Variants in PRKAA2 observed in about 807,000 individuals in gnomAD.
The protein encoded by PRKAA2 is protein kinase AMP-activated catalytic subunit alpha 2.
Under a neutral mutation model 56.3 loss-of-function variants are expected in PRKAA2, and 40 were observed. The ratio of observed to expected loss-of-function variants is 0.71; its 90% CI spans 0.55 to 0.92. The LOEUF is 0.92. Ranked by LOEUF, PRKAA2 falls within the 40% of genes least tolerant of loss-of-function variation. PRKAA2 has a pLI of 0.00. For missense variants in PRKAA2, 542 were observed against 686.9 expected (o/e 0.79, Z 2.36); for synonymous variants, 214 against 234.2 (o/e 0.91, Z 0.79).
chr1:56,656,331 A>G (rs1484844091), intron 1 of PRKAA2, among the ~76,000 whole-genome samples: 2 of 152,226 alleles, frequency 1.3e-5, no homozygotes, highest in Admixed American at 1.3e-4. Context: ...CTTTTCTGTA[A>G]AATGGTAACC....
chr1:56,670,466 T>G (rs1644067116), intron 1 of PRKAA2, among the ~76,000 whole-genome samples: 2 of 152,148 alleles, frequency 1.3e-5, no homozygotes, highest in South Asian at 4.1e-4. Context: ...AAGGAAGGGA[T>G]GAGGAATAAG....
chr1:56,691,512 C>T, intron 3 of PRKAA2, 25 bp downstream of exon 3: 1 of 1,522,004 alleles, frequency 6.6e-7, no homozygotes, highest in Non-Finnish European at 9.0e-7. Flanking sequence ...ATCTGGTACA[C>T]TAAATCTCTA....
At chr1:56,662,347 C>G (rs1030710643) in intron 1 of PRKAA2, among the ~76,000 whole-genome samples, 1 of 150,604 alleles carries the variant, frequency 6.6e-6, no homozygotes, top group Non-Finnish European at 1.5e-5. Flanking sequence ...GACAGCACTT[C>G]AAAAATTCAT....
chr1:56,706,015 ATTAT>A (rs1332516929), intron 7 of PRKAA2, 73 bp from the exon 8 acceptor site: 16 of 1,289,688 alleles, frequency 1.2e-5, no homozygotes, highest in South Asian at 2.8e-5. Context: ...ACCCCTATTA[ATTAT>A]TTGTTTTGAC....
At position 56,715,245 on chromosome 1, in the gene PRKAA2, A is replaced by G. The variant is rs1644398027; in HGVS notation, c.*7532A>G. ...TTGCACCATATGAAACTCATAGGTAACAAACACAAAGGAGAAAAGCAGCCT... is the reference window on the plus strand; with the variant it reads ...TTGCACCATATGAAACTCATAGGTAGCAAACACAAAGGAGAAAAGCAGCCT... On this transcript the variant is annotated 3_prime_UTR_variant, in exon 9 of 9. Coordinates refer to ENST00000371244, the MANE Select transcript of PRKAA2 (RefSeq NM_006252.4). 6.6e-6 allele frequency: 1 copy of G among 152,210 alleles called. No individual in the cohort carries two copies. Among genetic ancestry groups the G allele is most frequent in the South Asian group, 2.1e-4 (1 of 4,836 alleles). The allele number at this position is 152,210 out of a possible 1,614,324, so 9.4% of individuals were successfully genotyped here.
intron 6 of PRKAA2, among the ~76,000 whole-genome samples, chr1:56,703,154 A>T (rs979727489): frequency 2.0e-5 from 3 of 152,176 alleles, no homozygotes; most frequent in African/African-American, 7.2e-5. Context: ...AGTGTGAGAA[A>T]ATAAGGCTTA....
At chr1:56,681,021 C>A (rs867666922) in intron 2 of PRKAA2, among the ~76,000 whole-genome samples, 1 of 152,076 alleles carries the variant, frequency 6.6e-6, no homozygotes, top group Non-Finnish European at 1.5e-5. Context: ...CAGCACCTGT[C>A]GTTTCCTGAC....
chr1:56,649,663 G>GT (rs1215302557), intron 1 of PRKAA2, among the ~76,000 whole-genome samples: 3 of 151,936 alleles, frequency 2.0e-5, no homozygotes, highest in Non-Finnish European at 4.4e-5. Context: ...TTATTAATTA[G>GT]TTTTTTTTAG....
At chr1:56,707,001 T>G (rs751375259) in intron 8 of PRKAA2, among the ~76,000 whole-genome samples, 32 of 152,188 alleles carry the variant, frequency 2.1e-4, no homozygotes, top group Admixed American at 7.2e-4. Context: ...ACTCCAGACC[T>G]ATTAAATCAG....
chr1:56,657,598 C>T (rs1463356435), intron 1 of PRKAA2, among the ~76,000 whole-genome samples: 1 of 152,104 alleles, frequency 6.6e-6, no homozygotes, highest in African/African-American at 2.4e-5. Context: ...ATTGCTTGAA[C>T]CGGGGAGGCA....
intron 2 of PRKAA2, among the ~76,000 whole-genome samples, chr1:56,690,787 A>G (rs767111344): frequency 1.5e-4 from 23 of 152,256 alleles, no homozygotes; most frequent in Middle Eastern, 3.4e-3. Context: ...AGGTCTTGCT[A>G]TGTTGCCCAG....
chr1:56,658,408 A>G (rs1028593316), intron 1 of PRKAA2, among the ~76,000 whole-genome samples: 1 of 152,152 alleles, frequency 6.6e-6, no homozygotes, highest in Non-Finnish European at 1.5e-5. Context: ...TAAGGACCAG[A>G]GTTGGAAAGA....
At chr1:56,659,795 C>T (rs751480379) in intron 1 of PRKAA2, among the ~76,000 whole-genome samples, 7 of 151,986 alleles carry the variant, frequency 4.6e-5, no homozygotes, top group Non-Finnish European at 1.0e-4. Flanking sequence ...ATAGTCCCAG[C>T]GACTTGGGGA....
intron 6 of PRKAA2, 69 bp downstream of exon 6, chr1:56,696,228 T>C: frequency 1.4e-6 from 2 of 1,430,138 alleles, no homozygotes; most frequent in South Asian, 2.5e-5. Flanking sequence ...TAAATGATTC[T>C]CCCAAAGTCT....
chr1:56,703,983 G>A lies in PRKAA2; in HGVS notation c.801G>A (p.Trp267Ter). 1.2e-6 allele frequency: 2 copies of A among 1,607,134 alleles called. No homozygotes were observed. The highest frequency in any genetic ancestry group is 1.1e-5 in the South Asian group (1 of 89,376). ...ATIKDIREHE[W>*]FKQDLPSYLF... ...GTGTTTTTCCTAGAGAGCATGAATG[G>A]TTTAAACAAGATTTGCCCAGTTACT... Residue 267 changes from tryptophan (W) to a stop codon, truncating the protein, a stop_gained, in exon 7 of 9, where the codon TGG becomes TGA. Coordinates refer to ENST00000371244, the MANE Select transcript of PRKAA2 (RefSeq NM_006252.4). LOFTEE classifies it high-confidence loss of function.
chr1:56,706,992 C>T (rs967718040), intron 8 of PRKAA2, among the ~76,000 whole-genome samples: 12 of 152,152 alleles, frequency 7.9e-5, no homozygotes, highest in Non-Finnish European at 1.3e-4. Context: ...CTGGGAACCA[C>T]TCCAGACCTA....
intron 1 of PRKAA2, among the ~76,000 whole-genome samples, chr1:56,662,285 A>C (rs2100391367): frequency 6.6e-6 from 1 of 152,324 alleles, no homozygotes; most frequent in Admixed American, 6.5e-5. Context: ...TTTTGATTAA[A>C]AAGGAAACAT....
At chr1:56,686,543 G>A (rs1644192310) in intron 2 of PRKAA2, among the ~76,000 whole-genome samples, 1 of 152,194 alleles carries the variant, frequency 6.6e-6, no homozygotes, top group Non-Finnish European at 1.5e-5. Context: ...TTTACTTCTA[G>A]TAAGGGTCTC....
chr1:56,671,092 C>T (rs538218605), intron 1 of PRKAA2, among the ~76,000 whole-genome samples: 251 of 152,122 alleles, frequency 1.6e-3, no homozygotes, highest in African/African-American at 5.8e-3. Flanking sequence ...TCTTTTGTTT[C>T]GATTTACACA....
Sources: gnomAD v4.1 joint callset for allele counts (sites outside exome capture counted in the v4.1 genomes callset) on GRCh38, gnomAD v4.1.1 for gene constraint, MANE v1.5 for transcripts, NCBI Gene and HGNC (gene_info 2026-07-23, HGNC 2026-07-21) for gene names.